The following DCT variants were observed in gnomAD, a reference collection of about 807,000 sequenced individuals.
The protein encoded by DCT is dopachrome tautomerase.
In DCT, 47 loss-of-function variants were observed where a neutral mutation model predicts 53.0. The observed-to-expected ratio is 0.89, with a 90% CI of 0.70 to 1.13. The LOEUF is 1.13. DCT is among the 50% of genes most tolerant of loss of function. The pLI is 0.00. For missense variants in DCT, 669 were observed against 637.4 expected (o/e 1.05, Z -0.53); for synonymous variants, 244 against 237.0 (o/e 1.03, Z -0.27).
the DCT span, among the ~76,000 whole-genome samples, chr13:94,531,629 C>T: frequency 4.7e-4 from 71 of 152,234 alleles, no homozygotes; most frequent in African/African-American, 1.4e-3. Context: ...ACATCATATA[C>T]AAAAATCAAC....
chr13:94,443,874 G>A (rs750640132), intron 6 of DCT, among the ~76,000 whole-genome samples: 1 of 152,130 alleles, frequency 6.6e-6, no homozygotes, highest in Admixed American at 6.5e-5. Flanking sequence ...AGTTTTCAAC[G>A]ATGTATGAAT....
chr13:94,534,543 G>A, the DCT span, among the ~76,000 whole-genome samples: 1 of 152,242 alleles, frequency 6.6e-6, no homozygotes, highest in African/African-American at 2.4e-5. Flanking sequence ...TTTTGGCCAA[G>A]CATACAAGTC....
chr13:94,470,285 T>C (rs1884558244), intron 1 of DCT, among the ~76,000 whole-genome samples: 1 of 152,156 alleles, frequency 6.6e-6, no homozygotes, highest in African/African-American at 2.4e-5. Flanking sequence ...TGTCAGGAAG[T>C]ACAAACCACC....
At chr13:94,452,397 C>T (rs749163060) in intron 6 of DCT, among the ~76,000 whole-genome samples, 8 of 152,062 alleles carry the variant, frequency 5.3e-5, no homozygotes, top group Non-Finnish European at 1.0e-4. Flanking sequence ...TCACCTATCA[C>T]GTTGACAAAG....
At chr13:94,488,151 C>A in the DCT span, among the ~76,000 whole-genome samples, 1 of 151,890 alleles carries the variant, frequency 6.6e-6, no homozygotes, top group South Asian at 2.1e-4. Context: ...CATGAGTATT[C>A]AATTTGGATT....
At chr13:94,537,020 C>T in the DCT span, among the ~76,000 whole-genome samples, 1 of 152,214 alleles carries the variant, frequency 6.6e-6, no homozygotes, top group Non-Finnish European at 1.5e-5. Context: ...GCCCAGCCTG[C>T]AGAACCATGA....
intron 5 of DCT, 92 bp from the exon 6 acceptor site, chr13:94,460,318 T>C: frequency 8.2e-7 from 1 of 1,224,158 alleles, no homozygotes; most frequent in South Asian, 1.4e-5. Context: ...TTGTCTAATT[T>C]GAGATTGGGT....
At chr13:94,546,017 C>G in the DCT span, among the ~76,000 whole-genome samples, 1 of 152,098 alleles carries the variant, frequency 6.6e-6, no homozygotes, top group Non-Finnish European at 1.5e-5. This position sits in a 1 kb window ranked among gnomAD's most constrained non-coding sequence, Gnocchi z 4.2. Context: ...AAGCCCAAGA[C>G]TGACAAAAGA....
In DCT at chr13:94,479,156, T is replaced by C. The variant is rs567859263; in HGVS notation, c.100A>G (p.Ser34Gly). Residue 34 changes from serine (S) to glycine (G), a missense_variant, in exon 1 of 8, where the codon AGC (serine) becomes GGC (glycine). Ser to Gly is a moderately conservative substitution (Grantham distance 56, BLOSUM62 0). Transcript: ENST00000377028. ...QFPRVCMTVD[S>G]LVNKECCPRL... is the part of the protein sequence containing the mutation. ...GGGCAGCACTCCTTGTTCACTAGGC[T>C]GTCCACCGTCATGCAGACTCGGGGG... is the stretch of plus-strand genomic sequence containing the variant. 6.2e-7 allele frequency: 1 copy of C among 1,614,082 alleles called. No individual in the cohort carries two copies. The highest frequency in any genetic ancestry group is 8.5e-7 in the Non-Finnish European group (1 of 1,179,896).
the DCT span, among the ~76,000 whole-genome samples, chr13:94,513,041 C>T: frequency 6.6e-6 from 1 of 152,132 alleles, no homozygotes; most frequent in African/African-American, 2.4e-5. Flanking sequence ...AGAGAACGTG[C>T]CATTCTGTTA....
chr13:94,530,816 A>G, the DCT span, among the ~76,000 whole-genome samples: 1 of 152,208 alleles, frequency 6.6e-6, no homozygotes, highest in African/African-American at 2.4e-5. Flanking sequence ...AAAGAAATAA[A>G]GGGTATTCAA....
chr13:94,451,767 C>A (rs1037092359), intron 6 of DCT, among the ~76,000 whole-genome samples: 1 of 152,106 alleles, frequency 6.6e-6, no homozygotes, highest in Non-Finnish European at 1.5e-5. Flanking sequence ...ATTCATTTTC[C>A]ATAAACTAAT....
intron 1 of DCT, among the ~76,000 whole-genome samples, chr13:94,477,108 T>C (rs150893902): frequency 0.014 from 2,105 of 152,198 alleles, 62 homozygotes; most frequent in African/African-American, 0.048. Flanking sequence ...TATTTATTTA[T>C]TTTTTTGAGA....
chr13:94,440,878 G>A (rs888717083), intron 7 of DCT, among the ~76,000 whole-genome samples: 3 of 151,640 alleles, frequency 2.0e-5, no homozygotes, highest in Non-Finnish European at 2.9e-5. Flanking sequence ...ACAGGGTTTC[G>A]CCATGTTGGC....
At chr13:94,479,877 T>C (rs537780504), upstream of DCT, among the ~76,000 whole-genome samples, 1 of 152,298 alleles carries the variant, frequency 6.6e-6, no homozygotes, top group South Asian at 2.1e-4. Context: ...CAAAACCATC[T>C]TCTTTATCTG....
the DCT span, among the ~76,000 whole-genome samples, chr13:94,496,409 G>A: frequency 6.6e-6 from 1 of 151,986 alleles, no homozygotes; most frequent in African/African-American, 2.4e-5. Context: ...GGCCAGGCTG[G>A]TCTCCAACTC....
chr13:94,462,246 G>T, intron 4 of DCT, 57 bp from the exon 5 acceptor site: 1 of 1,353,696 alleles, frequency 7.4e-7, no homozygotes, highest in Non-Finnish European at 1.1e-6. Context: ...AGTGGCTCAC[G>T]TCTGTAATCC....
chr13:94,500,739 C>A, the DCT span, among the ~76,000 whole-genome samples: 1 of 152,164 alleles, frequency 6.6e-6, no homozygotes. Flanking sequence ...TCCATTCAAC[C>A]GTTTATGGAC....
rs1428244098 is a variant in DCT, at chr13:94,468,689, C to G, written c.595+57G>C. 1.3e-5 allele frequency: 19 copies of G among 1,486,212 alleles called. No individual in the cohort carries two copies. In the East Asian group the frequency reaches 3.6e-4, roughly 28 times the overall value. The allele number at this position is 1,486,212 out of a possible 1,614,324, so 92.1% of individuals were successfully genotyped here. On this transcript the variant is annotated intron_variant, in intron 2 of 7. Coordinates refer to ENST00000377028, the MANE Select transcript of DCT (RefSeq NM_001922.5). ...CATGAAATTACTTCCCACTGCCATA[C>G]CCTCAACCCAATCACAAACCTGTAA...
Sources: gnomAD v4.1 joint callset for allele counts (sites outside exome capture counted in the v4.1 genomes callset) on GRCh38, gnomAD v4.1.1 for gene constraint, Gnocchi (gnomAD v3.1) non-coding constraint, MANE v1.5 for transcripts, NCBI Gene and HGNC (gene_info 2026-07-23, HGNC 2026-07-21) for gene names.